The following ASCC3 variants were observed in gnomAD, a reference collection of about 807,000 sequenced individuals.
ASCC3 encodes the protein ASC-1 complex subunit P200.
ASCC3 carries 158 observed loss-of-function variants against 256.3 expected under a neutral mutation model. The ratio of observed to expected loss-of-function variants is 0.62; its 90% CI spans 0.54 to 0.70. The LOEUF (loss-of-function observed/expected upper bound fraction) is 0.70, where lower values mean the gene tolerates loss of function less well. ASCC3 is among the 30% of genes least tolerant of loss of function. ASCC3 has a pLI of 0.00. For missense variants in ASCC3, 2,259 were observed against 2,626.0 expected (o/e 0.86, Z 3.05); for synonymous variants, 948 against 883.4 (o/e 1.07, Z -1.30).
intron 30 of ASCC3, among the ~76,000 whole-genome samples, chr6:100,607,524 T>C (rs1772960835): frequency 6.6e-6 from 1 of 151,956 alleles, no homozygotes; most frequent in African/African-American, 2.4e-5. Flanking sequence ...CAGAAAGAAA[T>C]TGTTCCAATT....
intron 4 of ASCC3, among the ~76,000 whole-genome samples, chr6:100,822,436 T>C (rs767659765): frequency 9.9e-5 from 15 of 150,894 alleles, no homozygotes; most frequent in Non-Finnish European, 2.1e-4. Flanking sequence ...ACTCAGGAGG[T>C]TGAGGTGGGA....
chr6:100,752,363 AG>A (rs1780979480), intron 10 of ASCC3, among the ~76,000 whole-genome samples: 1 of 152,172 alleles, frequency 6.6e-6, no homozygotes, highest in African/African-American at 2.4e-5. Flanking sequence ...GCACATTTAA[AG>A]CACATTTAAA....
chr6:100,647,570 G>T (rs907167754), intron 20 of ASCC3, 119 bp from the exon 21 acceptor site: 97 of 827,524 alleles, frequency 1.2e-4, no homozygotes, highest in Non-Finnish European at 1.9e-4. Flanking sequence ...TCCTTGAATT[G>T]TGGGGCAATA....
intron 10 of ASCC3, among the ~76,000 whole-genome samples, chr6:100,742,340 G>A (rs548182125): frequency 6.6e-6 from 1 of 152,298 alleles, no homozygotes; most frequent in South Asian, 2.1e-4. Flanking sequence ...CACCCAGTCA[G>A]GAGGAACAGA....
chr6:100,783,665 A>G (rs541192569), intron 8 of ASCC3, among the ~76,000 whole-genome samples: 1 of 152,282 alleles, frequency 6.6e-6, no homozygotes, highest in South Asian at 2.1e-4. Flanking sequence ...ATACTACTTC[A>G]CTAAATACAC....
At chr6:100,856,738 T>C (rs1772961924) in intron 3 of ASCC3, 1 of 152,134 alleles carries the variant, frequency 6.6e-6, no homozygotes, top group African/African-American at 2.4e-5. Flanking sequence ...ATATGTGTTG[T>C]ATGGCTTCTT....
chr6:100,718,836 C>A (rs1414486650), intron 11 of ASCC3, among the ~76,000 whole-genome samples: 1 of 151,830 alleles, frequency 6.6e-6, no homozygotes, highest in Non-Finnish European at 1.5e-5. Context: ...CAGTAAATTC[C>A]AAAAACTAAA....
In ASCC3 at chr6:100,509,475, C is replaced by T; in HGVS notation, c.6520G>A (p.Asp2174Asn). 1 of 1,614,084 alleles carries T rather than the reference C, an allele frequency of 6.2e-7. No individual in the cohort carries two copies. Among genetic ancestry groups the T allele is most frequent in the Non-Finnish European group, 8.5e-7 (1 of 1,179,932 alleles). ...GCTTGTGTAACGTTGAGATAGATGT[C>T]ATACTGCTGGTCCAGGCCAAGGTAG... ...DCYLGLDQQY[D>N]IYLNVTQASL... Residue 2174 changes from aspartate (D) to asparagine (N), a missense_variant, in exon 42 of 42, where the codon GAC becomes AAC. Physicochemically the swap from Asp to Asn is conservative, Grantham distance 23. This residue lies in a region of ASCC3 where 1,839 missense variants were observed against 2,206.7 expected (regional missense o/e 0.83). Transcript: ENST00000369162.
intron 10 of ASCC3, among the ~76,000 whole-genome samples, chr6:100,758,736 C>T (rs1781300710): frequency 6.6e-6 from 1 of 152,066 alleles, no homozygotes. Context: ...GATTTCTATT[C>T]CTTTGGGTAC....
chr6:100,582,397 T>G (rs75628333), intron 36 of ASCC3, among the ~76,000 whole-genome samples: 62,684 of 151,012 alleles, frequency 0.42, 13,591 homozygotes, highest in South Asian at 0.62. Flanking sequence ...TGTCTGTTAT[T>G]GGTATATAAG....
At chr6:100,626,087 C>A (rs1037283812) in intron 29 of ASCC3, among the ~76,000 whole-genome samples, 4 of 151,940 alleles carry the variant, frequency 2.6e-5, no homozygotes, top group Non-Finnish European at 4.4e-5. Context: ...TAAATCAAAT[C>A]TTTAAAAATA....
At chr6:100,538,221 T>C (rs535284787) in intron 37 of ASCC3, among the ~76,000 whole-genome samples, 46 of 152,226 alleles carry the variant, frequency 3.0e-4, no homozygotes, top group Non-Finnish European at 3.2e-4. Context: ...AGTTAAGTGT[T>C]TGAGAGAGGA....
chr6:100,670,099 G>A (rs998952978), intron 14 of ASCC3, among the ~76,000 whole-genome samples: 40 of 151,876 alleles, frequency 2.6e-4, no homozygotes, highest in African/African-American at 9.2e-4. Context: ...AGTACACAAC[G>A]GGCCAAGATT....
chr6:100,762,582 C>T, intron 10 of ASCC3, among the ~76,000 whole-genome samples: 1 of 152,032 alleles, frequency 6.6e-6, no homozygotes, highest in East Asian at 1.9e-4. Context: ...TAGCTGTACA[C>T]CAAAAAGGTA....
intron 2 of ASCC3, among the ~76,000 whole-genome samples, chr6:100,865,110 G>C (rs1006543844): frequency 1.7e-4 from 26 of 152,238 alleles, no homozygotes; most frequent in South Asian, 1.0e-3. Context: ...CTGAGTTTAG[G>C]GGGAGGAGAA....
In ASCC3 at chr6:100,864,480, T is replaced by C. The variant is rs184307500; in HGVS notation, c.91-266A>G. ...ACTGCATACTCATAAAATCATTTCATACAGCAAAGTAAAAAGTTCAACATC... is the reference window on the plus strand; with the variant it reads ...ACTGCATACTCATAAAATCATTTCACACAGCAAAGTAAAAAGTTCAACATC... On this transcript the variant is annotated intron_variant, in intron 2 of 41. Transcript: ENST00000369162. Among the ~76,000 whole-genome samples the C allele has an allele frequency of 2.6e-5, 4 of 152,330 alleles. No individual in the cohort carries two copies. The East Asian group carries it at 5.8e-4, about 22-fold the overall frequency.
At chr6:100,825,588 T>C (rs181977358) in intron 4 of ASCC3, among the ~76,000 whole-genome samples, 14 of 152,322 alleles carry the variant, frequency 9.2e-5, no homozygotes, top group Non-Finnish European at 1.8e-4. Flanking sequence ...GTCTTGAGGT[T>C]GCTCTTCTTG....
At chr6:100,588,611 C>T (rs987041403) in intron 36 of ASCC3, among the ~76,000 whole-genome samples, 6 of 152,088 alleles carry the variant, frequency 3.9e-5, no homozygotes, top group African/African-American at 1.4e-4. Context: ...GAATAGAAAA[C>T]TGATTATTAC....
chr6:100,716,696 T>C (rs556469432), intron 12 of ASCC3, among the ~76,000 whole-genome samples: 5 of 152,074 alleles, frequency 3.3e-5, no homozygotes, highest in Admixed American at 2.6e-4. Flanking sequence ...AAATTAGACA[T>C]AACACTCACA....
Sources: gnomAD v4.1 joint callset for allele counts (sites outside exome capture counted in the v4.1 genomes callset) on GRCh38, gnomAD v4.1.1 for gene constraint, gnomAD v4.1.1 regional missense constraint, MANE v1.5 for transcripts, NCBI Gene and HGNC (gene_info 2026-07-23, HGNC 2026-07-21) for gene names.